Variants in TRDN observed in about 807,000 individuals in gnomAD.
TRDN encodes triadin.
A neutral mutation model predicts 149.7 loss-of-function variants in TRDN; 161 were observed. The observed-to-expected ratio is 1.08, with a 90% CI of 0.95 to 1.23. The LOEUF (loss-of-function observed/expected upper bound fraction) is 1.23, where lower values mean the gene tolerates loss of function less well. Ranked by LOEUF, TRDN falls within the 50% of genes most tolerant of loss-of-function variation. The pLI, the probability that TRDN is intolerant of heterozygous loss-of-function variation, is 0.00. For synonymous variants in TRDN, 294 were observed against 250.5 expected (o/e 1.17, Z -1.64); for missense variants, 896 against 823.5 (o/e 1.09, Z -1.08).
chr6:123,223,135 C>A (rs772902738), intron 39 of TRDN, among the ~76,000 whole-genome samples: 1 of 151,750 alleles, frequency 6.6e-6, no homozygotes, highest in African/African-American at 2.4e-5. Flanking sequence ...ACCCAGCAAT[C>A]CCATTGCTGG....
chr6:123,505,105 GT>G (rs200652542), intron 7 of TRDN, among the ~76,000 whole-genome samples: 2,395 of 151,908 alleles, frequency 0.016, 71 homozygotes, highest in African/African-American at 0.054. Context: ...TTAGCTGGGC[GT>G]GGTGGTGCAT....
rs549608850 is a variant in TRDN at position 123,489,907 on chromosome 6, C to G, written c.853+7286G>C. On this transcript the variant is annotated intron_variant, in intron 9 of 40. Transcript: ENST00000334268. ...TTTTTTTTTTGAGACACCATTTTTA[C>G]AGCCTACTTTGTTTCACTGAACACA... 2.6e-5 allele frequency among the ~76,000 whole-genome samples: 4 copies of G among 151,704 alleles called. No homozygotes were observed. The South Asian group carries it at 8.3e-4, about 31-fold the overall frequency.
chr6:123,357,010 T>A (rs1434929859), intron 20 of TRDN, among the ~76,000 whole-genome samples: 2 of 151,764 alleles, frequency 1.3e-5, no homozygotes, highest in Non-Finnish European at 3.0e-5. Context: ...CCTTCTACTT[T>A]CCTTGGGTTT....
At chr6:123,421,779 G>T (rs1178788477) in intron 12 of TRDN, 1 of 132,356 alleles carries the variant, frequency 7.6e-6, no homozygotes, top group Non-Finnish European at 1.5e-5. Context: ...TACCAGCCTG[G>T]TCAACAGAGT....
intron 5 of TRDN, among the ~76,000 whole-genome samples, chr6:123,518,253 G>A (rs1039585011): frequency 6.6e-5 from 10 of 151,858 alleles, no homozygotes; most frequent in Admixed American, 6.6e-5. Flanking sequence ...TTGTTTATTC[G>A]CTACTCAGTT....
intron 38 of TRDN, among the ~76,000 whole-genome samples, chr6:123,230,832 T>G (rs1402170877): frequency 6.6e-6 from 1 of 151,974 alleles, no homozygotes; most frequent in African/African-American, 2.4e-5. Flanking sequence ...CCTTGAAGGT[T>G]TCCTATGATT....
intron 12 of TRDN, 57 bp from the exon 13 acceptor site, chr6:123,393,734 A>G: frequency 6.7e-7 from 1 of 1,488,506 alleles, no homozygotes; most frequent in Non-Finnish European, 9.1e-7. Context: ...AAATATATAA[A>G]TAAAAAAGGG....
intron 1 of TRDN, 27 bp from the exon 2 acceptor site, chr6:123,571,159 A>G (rs751704532): frequency 1.2e-5 from 19 of 1,608,996 alleles, no homozygotes; most frequent in Non-Finnish European, 1.5e-5. Flanking sequence ...AAAGGAAAAT[A>G]TAATTTAGAG....
intron 19 of TRDN, among the ~76,000 whole-genome samples, chr6:123,368,839 C>T (rs1781214938): frequency 2.6e-5 from 4 of 152,106 alleles, no homozygotes; most frequent in Non-Finnish European, 4.4e-5. Context: ...GTTCTTGCCA[C>T]TTTCTCATTT....
chr6:123,595,690 A>G (rs1376396623), intron 1 of TRDN, among the ~76,000 whole-genome samples: 2 of 152,050 alleles, frequency 1.3e-5, no homozygotes, highest in South Asian at 2.1e-4. Context: ...CTACTCCATT[A>G]TTATTACATC....
intron 9 of TRDN, chr6:123,468,757 T>C (rs1339156654): frequency 6.6e-6 from 1 of 152,196 alleles, no homozygotes; most frequent in Non-Finnish European, 1.5e-5. Flanking sequence ...CCCTCTGTCT[T>C]GTAACAAATG....
chr6:123,457,228 C>T (rs1776179491), intron 10 of TRDN, among the ~76,000 whole-genome samples: 1 of 150,568 alleles, frequency 6.6e-6, no homozygotes, highest in African/African-American at 2.4e-5. Context: ...CAACAGAAGG[C>T]CCTTTTCCTG....
At chr6:123,539,890 G>C (rs1348605611) in intron 4 of TRDN, among the ~76,000 whole-genome samples, 1 of 152,166 alleles carries the variant, frequency 6.6e-6, no homozygotes, top group Non-Finnish European at 1.5e-5. Flanking sequence ...CTCTCACTCT[G>C]ATTGTGAGTT....
chr6:123,352,491 G>A (rs756945265), intron 21 of TRDN, 48 bp downstream of exon 21: 3 of 1,603,820 alleles, frequency 1.9e-6, no homozygotes, highest in East Asian at 2.2e-5. Flanking sequence ...TCCGCATGTT[G>A]TTGTCTTTCT....
At chr6:123,556,927 T>G (rs1414320069) in intron 2 of TRDN, among the ~76,000 whole-genome samples, 3 of 152,238 alleles carry the variant, frequency 2.0e-5, no homozygotes, top group South Asian at 4.2e-4. Flanking sequence ...CCACCTTAAC[T>G]GATGACATTC....
chr6:123,274,859 C>T (rs949905304), intron 26 of TRDN, among the ~76,000 whole-genome samples, 189 bp from the exon 27 acceptor site: 4 of 151,890 alleles, frequency 2.6e-5, no homozygotes, highest in South Asian at 2.1e-4. Flanking sequence ...GGTGACAGAG[C>T]GAGACTCCGT....
At chr6:123,269,826 G>T in intron 31 of TRDN, 23 bp downstream of exon 31, 1 of 1,608,184 alleles carries the variant, frequency 6.2e-7, no homozygotes, top group Non-Finnish European at 8.5e-7. Flanking sequence ...TATTTCTCAG[G>T]TGTTATTCTA....
At chr6:123,267,360 CT>C (rs1350663644) in intron 32 of TRDN, among the ~76,000 whole-genome samples, 2 of 151,920 alleles carry the variant, frequency 1.3e-5, no homozygotes, top group African/African-American at 4.8e-5. Context: ...GAAATTTAAC[CT>C]GTGTAATTTG....
At chr6:123,389,740 T>A (rs1363642841) in intron 13 of TRDN, among the ~76,000 whole-genome samples, 1 of 152,198 alleles carries the variant, frequency 6.6e-6, no homozygotes, top group Non-Finnish European at 1.5e-5. Context: ...TTGGGACATT[T>A]GTTTCTTTTT....
Sources: allele counts gnomAD v4.1 joint callset (sites outside exome capture counted in the v4.1 genomes callset), GRCh38; gene constraint gnomAD v4.1.1; transcripts MANE v1.5; gene names NCBI Gene and HGNC (gene_info 2026-07-23, HGNC 2026-07-21).